Variants in ACSM5 observed in about 807,000 individuals in gnomAD.
ACSM5 encodes acyl-CoA synthetase medium chain family member 5.
A neutral mutation model predicts 71.6 loss-of-function variants in ACSM5; 56 were observed. That is an observed-to-expected ratio of 0.78 (90% confidence interval 0.63 to 0.98). The LOEUF is 0.98. Ranked by LOEUF, ACSM5 falls within the 50% of genes least tolerant of loss-of-function variation. The pLI is 0.00. For synonymous variants in ACSM5, 285 were observed against 281.5 expected, an observed-to-expected ratio of 1.01 and a Z score of -0.12; for missense variants, 723 against 726.0, an observed-to-expected ratio of 1.00 and a Z score of 0.05.
intron 1 of ACSM5, 29 bp from the exon 2 acceptor site, chr16:20,411,441 A>G: frequency 6.3e-7 from 1 of 1,597,432 alleles, no homozygotes. Flanking sequence ...AATTTATGAC[A>G]ATGCCCTCTT....
chr16:20,423,816 C>T (rs1314328633), intron 5 of ACSM5, 100 bp from the exon 6 acceptor site: 17 of 1,401,660 alleles, frequency 1.2e-5, no homozygotes, highest in Middle Eastern at 1.8e-4. Flanking sequence ...TAAGTGAGTA[C>T]CCACTGAGCA....
intron 6 of ACSM5, among the ~76,000 whole-genome samples, chr16:20,425,920 ACTT>A (rs1480268066): frequency 2.6e-5 from 4 of 152,048 alleles, no homozygotes; most frequent in Non-Finnish European, 5.9e-5. Flanking sequence ...TTTTCATATG[ACTT>A]CTTTTCTTCT....
chr16:20,415,031 T>A (rs1410481331), intron 2 of ACSM5, among the ~76,000 whole-genome samples: 1 of 152,148 alleles, frequency 6.6e-6, no homozygotes, highest in Admixed American at 6.5e-5. Flanking sequence ...TAGAGCTAGA[T>A]GGATAGAATA....
chr16:20,420,596 A>G (rs796743383), intron 4 of ACSM5, among the ~76,000 whole-genome samples: 30 of 152,082 alleles, frequency 2.0e-4, no homozygotes, highest in African/African-American at 6.8e-4. Context: ...GCGAAACACC[A>G]TCTCAAAAAC....
rs550369701 is a variant in ACSM5, at chr16:20,439,698, A to G, written c.1537-102A>G. ...CCCAAAAAAAACTAGTAGAACTTTC[A>G]TGGTGCAAAGGTAAATGTAGGCACT... On this transcript the variant is annotated intron_variant, in intron 12 of 13. Coordinates refer to ENST00000331849, the MANE Select transcript of ACSM5 (RefSeq NM_017888.3). The G allele has an allele frequency of 1.8e-4, 244 of 1,323,178 alleles. 3 individuals carry two copies. In the Middle Eastern group the frequency reaches 2.2e-3, roughly 12 times the overall value. 82.0% of individuals were successfully genotyped at this position (1,323,178 alleles called of 1,614,324 possible).
intron 2 of ACSM5, among the ~76,000 whole-genome samples, chr16:20,416,159 C>T (rs1425128565): frequency 6.6e-6 from 1 of 151,670 alleles, no homozygotes; most frequent in Admixed American, 6.6e-5. Context: ...AAATACACCC[C>T]AAATTGAGCT....
At position 20,441,131 on chromosome 16, in the gene ACSM5, ATATT is replaced by A. The variant is rs1403477388; in HGVS notation, c.*705_*708del. ...ATTAATTTTAAAAATCAGAGCAAAA[ATATT>A]CATACTGGAGAATCCCAACTCTGAA... On this transcript the variant is annotated 3_prime_UTR_variant, in exon 14 of 14. Transcript: ENST00000331849. The A allele has an allele frequency of 1.3e-5, 2 of 152,182 alleles. No individual in the cohort carries two copies. Among genetic ancestry groups the A allele is most frequent in the Non-Finnish European group, 2.9e-5 (2 of 68,042 alleles). The allele number at this position is 152,182 out of a possible 1,614,324, so 9.4% of individuals were successfully genotyped here. A position where few individuals can be genotyped will look rare whatever the true frequency, so the allele number is the denominator to read the frequency against.
chr16:20,435,119 G>A (rs574230590), intron 10 of ACSM5, among the ~76,000 whole-genome samples: 15 of 152,074 alleles, frequency 9.9e-5, no homozygotes, highest in Non-Finnish European at 1.8e-4. Context: ...TGCAGCCTCC[G>A]CCTCTCGGGT....
chr16:20,411,478 C>T lies in ACSM5; in HGVS notation c.-7C>T, dbSNP rs572811109. On this transcript the variant is annotated 5_prime_UTR_variant, in exon 2 of 14. Transcript: ENST00000331849. The stretch of plus-strand genomic sequence containing the variant: ...CCTCTCTTTGGTGACAGACAGGAGG[C>T]GACTGCATGAGACCATGGCTGAGAC... 16 of 1,613,520 alleles carry T rather than the reference C, an allele frequency of 9.9e-6. No homozygotes were observed. The highest frequency in any genetic ancestry group is 2.7e-5 in the African/African-American group (2 of 75,040).
intron 8 of ACSM5, among the ~76,000 whole-genome samples, 198 bp from the exon 9 acceptor site, chr16:20,430,795 A>AGG (rs1967079924): frequency 1.3e-5 from 2 of 150,770 alleles, no homozygotes; most frequent in Non-Finnish European, 2.9e-5. Context: ...AGGAGTGAGC[A>AGG]AGGAAGAAAA....
At chr16:20,419,591 T>C (rs1299953127) in intron 4 of ACSM5, 156 bp downstream of exon 4, 15 of 685,378 alleles carry the variant, frequency 2.2e-5, no homozygotes, top group Non-Finnish European at 3.7e-5. Flanking sequence ...TCCTGGTCCC[T>C]ACCTTAATGT....
chr16:20,422,312 A>G lies in ACSM5; in HGVS notation c.767+911A>G, dbSNP rs557096347. The stretch of plus-strand genomic sequence containing the variant: ...TTTTTAGTAGAGACCGGGTTTCACC[A>G]TGTTGGCCAGGCTGGTCTCGAACTC... On this transcript the variant is annotated intron_variant, in intron 5 of 13. Transcript: ENST00000331849. Among the ~76,000 whole-genome samples, 6 of 152,182 alleles carry G rather than the reference A, an allele frequency of 3.9e-5. No homozygotes were observed. In the East Asian group the frequency reaches 1.2e-3, roughly 29 times the overall value.
At chr16:20,411,802 T>G (rs1010564407) in intron 2 of ACSM5, 114 bp downstream of exon 2, 2 of 1,129,622 alleles carry the variant, frequency 1.8e-6, no homozygotes, top group Admixed American at 2.2e-5. Flanking sequence ...CCTGGGAATT[T>G]TGCTAGTTCT....
intron 5 of ACSM5, among the ~76,000 whole-genome samples, chr16:20,423,538 A>C (rs2141649561): frequency 6.6e-6 from 1 of 152,330 alleles, no homozygotes; most frequent in African/African-American, 2.4e-5. Flanking sequence ...GGGGCTTCCT[A>C]TAAGGCCCTC....
intron 6 of ACSM5, among the ~76,000 whole-genome samples, chr16:20,425,420 T>A (rs1054457832): frequency 6.6e-6 from 1 of 152,238 alleles, no homozygotes; most frequent in Non-Finnish European, 1.5e-5. Flanking sequence ...ACATAGTAGA[T>A]TCTTTTTTTA....
rs780912320 is a variant in ACSM5 at position 20,423,990 on chromosome 16, C to T, written c.842C>T (p.Thr281Ile). The T allele has an allele frequency of 1.2e-6, 2 of 1,614,180 alleles. No homozygotes were observed. Among genetic ancestry groups the T allele is most frequent in the Non-Finnish European group, 1.7e-6 (2 of 1,180,020 alleles). ...ACTGGCTGGGTGAAGGCAGCCTGGA[C>T]TCTCTTCTCTGCCTGGCCTAATGGA... ...TDTGWVKAAW[T>I]LFSAWPNGSC... The change falls in exon 6 of 14, where the codon ACT becomes ATT. Residue 281 changes from threonine to isoleucine, a missense_variant. Thr to Ile is a moderately conservative substitution (Grantham distance 89). Transcript: ENST00000331849.
intron 10 of ACSM5, among the ~76,000 whole-genome samples, chr16:20,433,255 T>C (rs750293148): frequency 6.6e-6 from 1 of 152,240 alleles, no homozygotes; most frequent in Non-Finnish European, 1.5e-5. Flanking sequence ...ACCAAAATTG[T>C]TCTGTGAGTT....
intron 2 of ACSM5, among the ~76,000 whole-genome samples, chr16:20,414,066 T>C (rs1159114296): frequency 6.6e-6 from 1 of 152,196 alleles, no homozygotes. Context: ...GGGGTGGATC[T>C]GATTTCCTGA....
chr16:20,433,520 T>C (rs1271343523), intron 10 of ACSM5, among the ~76,000 whole-genome samples: 9 of 152,054 alleles, frequency 5.9e-5, no homozygotes, highest in African/African-American at 2.2e-4. Flanking sequence ...TATCAGAAAT[T>C]AGTTATGTAA....
Sources: gnomAD v4.1 joint callset for allele counts (sites outside exome capture counted in the v4.1 genomes callset) on GRCh38, gnomAD v4.1.1 for gene constraint, MANE v1.5 for transcripts, NCBI Gene and HGNC (gene_info 2026-07-23, HGNC 2026-07-21) for gene names.